The following RAD54B variants were observed in gnomAD, a reference collection of about 807,000 sequenced individuals.
RAD54B encodes RAD54 homolog B, also known as DNA repair and recombination protein RAD54B.
In RAD54B, 78 loss-of-function variants were observed where a neutral mutation model predicts 95.8. That is an observed-to-expected ratio of 0.81 (90% CI 0.68 to 0.98). The LOEUF is 0.98. Among genes scored for constraint, RAD54B ranks in the 50% least tolerant of loss-of-function variants. RAD54B has a pLI of 0.00. For synonymous variants in RAD54B, 328 were observed against 354.9 expected (o/e 0.92, Z 0.85); for missense variants, 957 against 1,056.6 (o/e 0.91, Z 1.31).
intron 14 of RAD54B, among the ~76,000 whole-genome samples, chr8:94,373,557 G>A (rs2129934345): frequency 6.6e-6 from 1 of 152,212 alleles, no homozygotes; most frequent in East Asian, 1.9e-4. Flanking sequence ...GGATGGAAGA[G>A]CTCCAAGTGA....
rs957129121 is a variant in RAD54B, at chr8:94,372,152, G to A, written c.*18C>T. The A allele has an allele frequency of 6.3e-7, 1 of 1,578,980 alleles. No homozygotes were observed. Among genetic ancestry groups the A allele is most frequent in the Non-Finnish European group, 8.6e-7 (1 of 1,169,478 alleles). On this transcript the variant is annotated 3_prime_UTR_variant, in exon 15 of 15. Transcript: ENST00000336148. ...ATTTTCAAAAGAAGAGCAATGGAAT[G>A]TCAGAAGTAATCTTTCACTATGTGC...
At chr8:94,405,962 A>G (rs1207389156) in intron 5 of RAD54B, among the ~76,000 whole-genome samples, 1 of 151,916 alleles carries the variant, frequency 6.6e-6, no homozygotes, top group Non-Finnish European at 1.5e-5. Context: ...AGATAAATAC[A>G]TAAGAATAAT....
At chr8:94,419,292 A>G (rs1458893311) in intron 3 of RAD54B, among the ~76,000 whole-genome samples, 1 of 152,088 alleles carries the variant, frequency 6.6e-6, no homozygotes, top group Non-Finnish European at 1.5e-5. Flanking sequence ...GGTGGATCAC[A>G]AGGTCAGCAG....
chr8:94,429,022 A>G (rs1026788688), intron 3 of RAD54B: 29 of 983,606 alleles, frequency 2.9e-5, no homozygotes, highest in African/African-American at 5.2e-5. Context: ...GTAGACAATG[A>G]GGAGAATTAT....
intron 3 of RAD54B, among the ~76,000 whole-genome samples, chr8:94,425,061 C>CAAAAAAAAA (rs71273335): frequency 7.3e-5 from 6 of 82,362 alleles, no homozygotes; most frequent in African/African-American, 1.8e-4. Flanking sequence ...GACCCCATCT[C>CAAAAAAAAA]AAAAAAAAAA....
chr8:94,443,139 A>G (rs11778733), intron 3 of RAD54B, among the ~76,000 whole-genome samples: 18,446 of 152,186 alleles, frequency 0.12, 2,015 homozygotes, highest in East Asian at 0.32. Flanking sequence ...GGACAAGACA[A>G]AAAATCACTC....
intron 3 of RAD54B, among the ~76,000 whole-genome samples, chr8:94,421,738 A>G (rs1218525704): frequency 6.6e-6 from 1 of 152,062 alleles, no homozygotes; most frequent in East Asian, 1.9e-4. Flanking sequence ...TCTGCCCCCT[A>G]CCAGGTTTTC....
intron 11 of RAD54B, among the ~76,000 whole-genome samples, chr8:94,383,580 A>G (rs2470746): frequency 0.46 from 69,315 of 152,098 alleles, 17,454 homozygotes; most frequent in Non-Finnish European, 0.59. Flanking sequence ...TTCTATTATT[A>G]GTTATTGTTG....
At chr8:94,464,387 T>C (rs1812977093) in intron 2 of RAD54B, among the ~76,000 whole-genome samples, 1 of 152,164 alleles carries the variant, frequency 6.6e-6, no homozygotes, top group Non-Finnish European at 1.5e-5. Flanking sequence ...AGGGAACAGA[T>C]TTCCCCTAAA....
chr8:94,417,691 A>C (rs766363989), intron 3 of RAD54B, among the ~76,000 whole-genome samples: 4 of 152,118 alleles, frequency 2.6e-5, no homozygotes, highest in Non-Finnish European at 4.4e-5. Context: ...AGAAAGAAAA[A>C]GAAGACATAT....
chr8:94,416,189 A>C (rs1433395207), intron 3 of RAD54B, among the ~76,000 whole-genome samples: 1 of 151,772 alleles, frequency 6.6e-6, no homozygotes, highest in Non-Finnish European at 1.5e-5. Context: ...TGCAGCCATA[A>C]AAAATGATGA....
chr8:94,377,548 A>G (rs1438001344), intron 14 of RAD54B, among the ~76,000 whole-genome samples: 2 of 3,634 alleles, frequency 5.5e-4, no homozygotes, highest in East Asian at 2.3e-3. Context: ...TGTCTTGGAA[A>G]AAAAAAAAAA....
At chr8:94,395,573 C>G (rs1189903280) in intron 8 of RAD54B, among the ~76,000 whole-genome samples, 1 of 152,048 alleles carries the variant, frequency 6.6e-6, no homozygotes, top group Non-Finnish European at 1.5e-5. Flanking sequence ...TCAATAGTAC[C>G]AGCAGCTAAA....
intron 2 of RAD54B, among the ~76,000 whole-genome samples, chr8:94,462,166 T>C (rs971404292): frequency 2.6e-5 from 4 of 152,192 alleles, no homozygotes; most frequent in Non-Finnish European, 5.9e-5. Flanking sequence ...AATACAACAG[T>C]TCATCATATT....
chr8:94,431,883 C>A, intron 3 of RAD54B: 2 of 1,159,024 alleles, frequency 1.7e-6, no homozygotes, highest in East Asian at 4.1e-5. Context: ...AATAAAATAT[C>A]TTTTGTAAGG....
At chr8:94,418,395 C>T (rs1811724943) in intron 3 of RAD54B, among the ~76,000 whole-genome samples, 1 of 152,204 alleles carries the variant, frequency 6.6e-6, no homozygotes, top group Non-Finnish European at 1.5e-5. Flanking sequence ...AGGGTGTCCA[C>T]TTCATTACAC....
At chr8:94,388,519 C>T (rs1002921809) in intron 10 of RAD54B, among the ~76,000 whole-genome samples, 1 of 152,174 alleles carries the variant, frequency 6.6e-6, no homozygotes, top group South Asian at 2.1e-4. Flanking sequence ...CAACAGCACA[C>T]ACAGGGGTCA....
intron 5 of RAD54B, among the ~76,000 whole-genome samples, chr8:94,405,439 T>C (rs1811364434): frequency 6.6e-6 from 1 of 152,200 alleles, no homozygotes; most frequent in African/African-American, 2.4e-5. Flanking sequence ...TGTGGAACTA[T>C]ACTGTCACAG....
chr8:94,466,253 G>A (rs975443515), intron 2 of RAD54B, among the ~76,000 whole-genome samples: 13 of 152,170 alleles, frequency 8.5e-5, no homozygotes, highest in Non-Finnish European at 1.8e-4. Flanking sequence ...GGGAATTGCA[G>A]AGTAGTAGGT....
Sources: allele counts gnomAD v4.1 joint callset (sites outside exome capture counted in the v4.1 genomes callset), GRCh38; gene constraint gnomAD v4.1.1; transcripts MANE v1.5; gene names NCBI Gene and HGNC (gene_info 2026-07-23, HGNC 2026-07-21).